Variants in MAP3K13 observed in about 807,000 individuals in gnomAD.
The protein encoded by MAP3K13 is mitogen-activated protein kinase kinase kinase 13.
Under a neutral mutation model 104.0 loss-of-function variants are expected in MAP3K13, and 52 were observed. The observed-to-expected ratio is 0.50, with a 90% confidence interval of 0.40 to 0.63. MAP3K13 has a LOEUF of 0.63. Ranked by LOEUF, MAP3K13 falls within the 20% of genes least tolerant of loss-of-function variation. MAP3K13 has a pLI of 0.00. For missense variants in MAP3K13, 914 were observed against 1,218.5 expected (o/e 0.75, Z 3.72); for synonymous variants, 394 against 442.2 (o/e 0.89, Z 1.37).
At chr3:185,459,641 G>T (rs1577598133) in intron 7 of MAP3K13, among the ~76,000 whole-genome samples, 1 of 152,010 alleles carries the variant, frequency 6.6e-6, no homozygotes, top group East Asian at 1.9e-4. Flanking sequence ...GTAAAGATGG[G>T]GTTTCACCAT....
intron 1 of MAP3K13, among the ~76,000 whole-genome samples, chr3:185,397,637 A>G (rs1002652781): frequency 1.3e-5 from 2 of 152,164 alleles, no homozygotes; most frequent in Admixed American, 6.5e-5. Flanking sequence ...GCTCTCTGAG[A>G]AACTCCCTCC....
intron 1 of MAP3K13, among the ~76,000 whole-genome samples, chr3:185,408,608 C>G (rs1713254569): frequency 1.3e-5 from 2 of 151,940 alleles, no homozygotes; most frequent in South Asian, 4.1e-4. Context: ...TGATTTGCAT[C>G]TACAACAACC....
intron 2 of MAP3K13, among the ~76,000 whole-genome samples, chr3:185,320,248 T>G (rs886982654): frequency 6.6e-6 from 1 of 151,944 alleles, no homozygotes; most frequent in Non-Finnish European, 1.5e-5. Context: ...GCCCAGCTAA[T>G]TTTTGTATTT....
intron 2 of MAP3K13, among the ~76,000 whole-genome samples, chr3:185,309,789 T>A (rs1159409440): frequency 6.6e-6 from 1 of 152,156 alleles, no homozygotes; most frequent in Non-Finnish European, 1.5e-5. Flanking sequence ...CTATTTTGTA[T>A]TTAGTGTGAT....
intron 1 of MAP3K13, among the ~76,000 whole-genome samples, chr3:185,398,982 A>C (rs983053870): frequency 6.6e-6 from 1 of 152,240 alleles, no homozygotes; most frequent in Non-Finnish European, 1.5e-5. Context: ...GCAGTGAAAC[A>C]ATAAAGCTAT....
chr3:185,434,875 G>T (rs1047900328), intron 2 of MAP3K13, among the ~76,000 whole-genome samples: 1 of 152,172 alleles, frequency 6.6e-6, no homozygotes, highest in African/African-American at 2.4e-5. Context: ...CTTGTGTAAA[G>T]CTGTTCAAAG....
intron 7 of MAP3K13, among the ~76,000 whole-genome samples, chr3:185,455,952 G>GTATATATATGATATGTATGAGA (rs1490537734): frequency 1.4e-5 from 2 of 140,974 alleles, no homozygotes; most frequent in African/African-American, 5.2e-5. Context: ...TATATATGAT[G>GTATATATATGATATGTATGAGA]TATATATATG....
intron 12 of MAP3K13, among the ~76,000 whole-genome samples, chr3:185,477,655 T>C (rs1177336339): frequency 1.3e-5 from 2 of 152,224 alleles, no homozygotes; most frequent in African/African-American, 4.8e-5. Flanking sequence ...CAACTGAGAA[T>C]ACAGTGGGCA....
rs370364138 is a variant in MAP3K13 at position 185,339,344 on chromosome 3, T to TAATGA, written c.-86+53720_-86+53724dup. ...AAAAAACTACTAAACTAAACTAAAA[T>TAATGA]AATGAAATGAAATGAAATGAAATAA... On this transcript the variant is annotated intron_variant, in intron 2 of 14. Coordinates refer to the MAP3K13 transcript ENST00000424227. 3.7e-3 allele frequency among the ~76,000 whole-genome samples: 562 copies of TAATGA among 152,144 alleles called. 1 individual carries two copies. The highest frequency in any genetic ancestry group is 0.013 in the African/African-American group (521 of 41,492).
chr3:185,327,919 A>G (rs1577428162), intron 2 of MAP3K13, among the ~76,000 whole-genome samples: 1 of 151,150 alleles, frequency 6.6e-6, no homozygotes, highest in Non-Finnish European at 1.5e-5. Context: ...CAGAAAAAAG[A>G]AAGAAAAGAA....
intron 1 of MAP3K13, among the ~76,000 whole-genome samples, chr3:185,283,328 G>A (rs957054387): frequency 1.3e-5 from 2 of 152,044 alleles, no homozygotes; most frequent in Admixed American, 1.3e-4. Flanking sequence ...TTGGAGAGAC[G>A]GAGCCTGGGG....
chr3:185,321,729 G>A (rs1252556455), intron 2 of MAP3K13, among the ~76,000 whole-genome samples: 1 of 152,032 alleles, frequency 6.6e-6, no homozygotes, highest in Non-Finnish European at 1.5e-5. Flanking sequence ...TCAGCCTCCC[G>A]AGTATCTGGG....
chr3:185,429,987 G>C (rs1714652707), intron 2 of MAP3K13, among the ~76,000 whole-genome samples: 1 of 152,146 alleles, frequency 6.6e-6, no homozygotes. Context: ...ATCACCTGAG[G>C]TCAGGAGTTC....
intron 11 of MAP3K13, among the ~76,000 whole-genome samples, chr3:185,475,928 C>T (rs1461474681): frequency 6.6e-6 from 1 of 152,204 alleles, no homozygotes; most frequent in South Asian, 2.1e-4. Context: ...CCTCTTCCAA[C>T]TCCGATGGCC....
At chr3:185,421,074 C>T (rs942108684) in intron 1 of MAP3K13, among the ~76,000 whole-genome samples, 2 of 152,212 alleles carry the variant, frequency 1.3e-5, no homozygotes, top group Non-Finnish European at 2.9e-5. Context: ...CTTTGCGGAT[C>T]GGGACCTGTT....
intron 1 of MAP3K13, among the ~76,000 whole-genome samples, chr3:185,377,888 C>G (rs990713162): frequency 7.2e-5 from 11 of 152,214 alleles, no homozygotes; most frequent in Non-Finnish European, 7.4e-5. Context: ...GCGAGTTGGA[C>G]AGTCCGATTT....
intron 2 of MAP3K13, among the ~76,000 whole-genome samples, chr3:185,327,949 AGGAG>A (rs889023573): frequency 8.1e-5 from 11 of 135,840 alleles, no homozygotes; most frequent in Non-Finnish European, 1.3e-4. Context: ...GGAAGCAGGA[AGGAG>A]GGAGGGAGGG....
intron 2 of MAP3K13, among the ~76,000 whole-genome samples, chr3:185,310,603 G>A (rs943520810): frequency 6.6e-6 from 1 of 152,164 alleles, no homozygotes; most frequent in African/African-American, 2.4e-5. Flanking sequence ...TATCTGGGAT[G>A]AAGAACTCTT....
chr3:185,291,267 T>G (rs2108672921), intron 2 of MAP3K13, among the ~76,000 whole-genome samples: 1 of 152,338 alleles, frequency 6.6e-6, no homozygotes, highest in East Asian at 1.9e-4. Context: ...TAAGACAATT[T>G]GATATCATGG....
Sources: allele counts gnomAD v4.1 joint callset (sites outside exome capture counted in the v4.1 genomes callset), GRCh38; gene constraint gnomAD v4.1.1; transcripts MANE v1.5; gene names NCBI Gene and HGNC (gene_info 2026-07-23, HGNC 2026-07-21).